CSMD3: variants seen among roughly 807,000 people sequenced by gnomAD.
CSMD3 encodes CUB and Sushi multiple domains 3.
CSMD3 carries 177 observed loss-of-function variants against 435.2 expected under a neutral mutation model. That is an observed-to-expected ratio of 0.41 (90% CI 0.36 to 0.46). CSMD3 has a LOEUF of 0.46. Among genes scored for constraint, CSMD3 ranks in the 20% least tolerant of loss-of-function variants. The pLI is 0.34. For missense variants in CSMD3, 4,265 were observed against 4,504.6 expected (o/e 0.95, Z 1.52); for synonymous variants, 1,656 against 1,520.5 (o/e 1.09, Z -2.07).
intron 37 of CSMD3, among the ~76,000 whole-genome samples, chr8:112,382,414 T>C (rs1829555631): frequency 6.6e-6 from 1 of 152,258 alleles, no homozygotes; most frequent in East Asian, 1.9e-4. Context: ...ATATTGTTCA[T>C]GTTTAAATCA....
intron 13 of CSMD3, among the ~76,000 whole-genome samples, chr8:112,777,326 A>G (rs1414164294): frequency 6.6e-6 from 1 of 151,774 alleles, no homozygotes; most frequent in Non-Finnish European, 1.5e-5. Context: ...TTTATACTCT[A>G]TTTTATAGCT....
intron 3 of CSMD3, among the ~76,000 whole-genome samples, chr8:113,266,249 C>A (rs1046643895): frequency 1.4e-5 from 2 of 147,538 alleles, no homozygotes; most frequent in Non-Finnish European, 3.0e-5. Flanking sequence ...ACATGTTTGA[C>A]AGAGAACTAA....
chr8:112,450,806 G>T (rs1251887254), intron 32 of CSMD3, among the ~76,000 whole-genome samples: 6 of 152,256 alleles, frequency 3.9e-5, no homozygotes, highest in African/African-American at 1.4e-4. Context: ...ACTTTCTTGA[G>T]ATTGTAAATT....
intron 2 of CSMD3, among the ~76,000 whole-genome samples, chr8:113,279,766 A>T (rs1314931278): frequency 6.6e-6 from 1 of 151,764 alleles, no homozygotes; most frequent in Non-Finnish European, 1.5e-5. Context: ...TGTATAATTG[A>T]TTTAAAAATA....
intron 9 of CSMD3, among the ~76,000 whole-genome samples, chr8:112,925,614 C>CTA (rs2082886716): frequency 1.3e-5 from 2 of 151,738 alleles, no homozygotes; most frequent in African/African-American, 4.8e-5. Context: ...CTCAGTAGAA[C>CTA]AATTGCTACA....
At position 112,281,167 on chromosome 8, in the gene CSMD3, T is replaced by C. The variant is rs1451349039; in HGVS notation, c.9508+7A>G. On this transcript the variant is annotated splice_region_variant and intron_variant, in intron 59 of 70. Transcript: ENST00000297405. ...TACTGATTTTTAAATATTGAGAATA[T>C]ACTTACTTGTACAGTTAGGTAAAGT... is the stretch of plus-strand genomic sequence containing the variant. The C allele has an allele frequency of 1.3e-6, 2 of 1,594,396 alleles. No homozygotes were observed. Among genetic ancestry groups the C allele is most frequent in the Admixed American group, 1.7e-5 (1 of 59,900 alleles).
chr8:113,200,310 C>G (rs1320660163), intron 3 of CSMD3, among the ~76,000 whole-genome samples: 2 of 151,782 alleles, frequency 1.3e-5, no homozygotes, highest in South Asian at 4.1e-4. Flanking sequence ...TTCAAACCAA[C>G]CAAGTCTCTC....
At chr8:112,359,911 G>T (rs1420703260) in intron 38 of CSMD3, among the ~76,000 whole-genome samples, 1 of 151,782 alleles carries the variant, frequency 6.6e-6, no homozygotes, top group East Asian at 1.9e-4. Flanking sequence ...AATGTTTAAG[G>T]GTTTACAACT....
chr8:112,656,026 A>G (rs951574990), intron 18 of CSMD3, 128 bp downstream of exon 18: 2 of 620,296 alleles, frequency 3.2e-6, no homozygotes, highest in Non-Finnish European at 5.7e-6. Context: ...AAGCATTAAC[A>G]TTCTTATAGA....
intron 3 of CSMD3, among the ~76,000 whole-genome samples, chr8:113,212,609 A>G (rs1271902385): frequency 6.6e-6 from 1 of 152,046 alleles, no homozygotes; most frequent in African/African-American, 2.4e-5. Context: ...GAAGCTGGAA[A>G]CCATCATTCT....
chr8:113,280,303 T>C (rs1010798557), intron 2 of CSMD3, among the ~76,000 whole-genome samples: 6 of 151,914 alleles, frequency 3.9e-5, no homozygotes, highest in African/African-American at 1.4e-4. Flanking sequence ...TGGACTTTTT[T>C]TCGTTGCTAA....
intron 5 of CSMD3, among the ~76,000 whole-genome samples, chr8:113,084,801 T>C (rs1211383146): frequency 1.3e-5 from 2 of 151,664 alleles, no homozygotes; most frequent in Non-Finnish European, 1.5e-5. Flanking sequence ...AACCTGAAAA[T>C]AGATACACAT....
At chr8:112,906,930 G>C (rs1002056083) in intron 10 of CSMD3, among the ~76,000 whole-genome samples, 15 of 151,544 alleles carry the variant, frequency 9.9e-5, no homozygotes, top group African/African-American at 3.6e-4. Context: ...AGGGTACGCT[G>C]CTGAATTATA....
intron 4 of CSMD3, among the ~76,000 whole-genome samples, chr8:113,130,882 C>G (rs531960466): frequency 5.3e-5 from 8 of 152,108 alleles, no homozygotes; most frequent in Non-Finnish European, 1.2e-4. Context: ...TTTTTGGGAA[C>G]TGGAGCAAGG....
At chr8:112,941,907 T>A in intron 9 of CSMD3, among the ~76,000 whole-genome samples, 1 of 151,750 alleles carries the variant, frequency 6.6e-6, no homozygotes, top group South Asian at 2.1e-4. Context: ...TATTTTTTAT[T>A]AGCATGGTAA....
intron 9 of CSMD3, among the ~76,000 whole-genome samples, chr8:112,922,557 T>G (rs1035340003): frequency 1.3e-5 from 2 of 151,832 alleles, no homozygotes; most frequent in Non-Finnish European, 2.9e-5. Context: ...CTGGTAACCA[T>G]TATTCTAATC....
chr8:112,931,669 A>G (rs1025082856), intron 9 of CSMD3, among the ~76,000 whole-genome samples: 1 of 152,126 alleles, frequency 6.6e-6, no homozygotes, highest in Non-Finnish European at 1.5e-5. Context: ...CAACCTGTTG[A>G]ATAGAAGAAA....
chr8:113,427,619 A>G (rs972066628), intron 1 of CSMD3, among the ~76,000 whole-genome samples: 3 of 151,646 alleles, frequency 2.0e-5, no homozygotes, highest in African/African-American at 7.2e-5. Context: ...TTTTATGTGA[A>G]GATACACAGC....
intron 40 of CSMD3, among the ~76,000 whole-genome samples, chr8:112,350,944 C>A (rs946918899): frequency 6.6e-6 from 1 of 151,484 alleles, no homozygotes; most frequent in Non-Finnish European, 1.5e-5. Flanking sequence ...TCCACTGATA[C>A]TGAAGTTGAG....
Sources: allele counts gnomAD v4.1 joint callset (sites outside exome capture counted in the v4.1 genomes callset), GRCh38; gene constraint gnomAD v4.1.1; transcripts MANE v1.5; gene names NCBI Gene and HGNC (gene_info 2026-07-23, HGNC 2026-07-21).